The following FAT1 variants were observed in gnomAD, a reference collection of about 807,000 sequenced individuals.
FAT1 encodes protocadherin Fat 1.
In FAT1, 171 loss-of-function variants were observed where a neutral mutation model predicts 329.8. The observed-to-expected ratio is 0.52, with a 90% CI of 0.46 to 0.59. The LOEUF is 0.59. Among genes scored for constraint, FAT1 ranks in the 20% least tolerant of loss-of-function variants. The probability of loss-of-function intolerance (pLI) is 0.00; values close to 1 mark genes in which losing one functional copy is unlikely to be tolerated. For missense variants in FAT1, 5,672 were observed against 5,774.4 expected (o/e 0.98, Z 0.57); for synonymous variants, 2,233 against 2,228.6 (o/e 1.00, Z -0.06).
In FAT1 at chr4:186,708,880, T is replaced by C. The variant is rs1249596856; in HGVS notation, c.948A>G (p.Lys316=). 1 of 1,613,966 alleles carries C rather than the reference T, an allele frequency of 6.2e-7. No homozygotes were observed. Among genetic ancestry groups the C allele is most frequent in the Admixed American group, 1.7e-5 (1 of 60,024 alleles). ...VRSFPGSKEY[K]VKAIGGIDWD... The stretch of plus-strand genomic sequence containing the variant: ...AATCAATGCCACCGATGGCTTTGAC[T>C]TTATACTCCTTACTCCCTGGAAAGG... Residue 316 remains lysine (K), a synonymous_variant, in exon 2 of 27, where the codon AAA becomes AAG. Transcript: ENST00000441802.
chr4:186,613,043 G>T, intron 13 of FAT1, 66 bp downstream of exon 13: 2 of 1,120,900 alleles, frequency 1.8e-6, no homozygotes, highest in Non-Finnish European at 2.6e-6. Flanking sequence ...TCTGGGGTGT[G>T]TTTTGAAACA....
At chr4:186,719,172 A>G (rs1745349535) in intron 1 of FAT1, among the ~76,000 whole-genome samples, 1 of 152,164 alleles carries the variant, frequency 6.6e-6, no homozygotes. Context: ...TAAAGATCTC[A>G]TCTACTCTGC....
In FAT1 at chr4:186,621,083, G is replaced by A. The variant is rs779537023; in HGVS notation, c.5503C>T (p.Leu1835=). The A allele has an allele frequency of 1.9e-6, 3 of 1,613,530 alleles. No individual in the cohort carries two copies. Among genetic ancestry groups the A allele is most frequent in the Non-Finnish European group, 2.5e-6 (3 of 1,179,890 alleles). The change falls in exon 10 of 27, where the codon CTG becomes TTG. Residue 1835 remains leucine, a synonymous_variant. Coordinates refer to ENST00000441802, the MANE Select transcript of FAT1 (RefSeq NM_005245.4). The part of the protein sequence containing the change: ...STGAIHTVLS[L]DYEETSIFHF... ...AAAATACTTGTTTCTTCATAGTCCA[G>A]ACTTAGTACTGTATGAATAGCACCA...
At chr4:186,604,985 G>A (rs565752156) in intron 17 of FAT1, among the ~76,000 whole-genome samples, 3 of 151,952 alleles carry the variant, frequency 2.0e-5, no homozygotes, top group Admixed American at 1.3e-4. Context: ...TTGGGAGGCT[G>A]AGGCGGGCGG....
intron 1 of FAT1, among the ~76,000 whole-genome samples, chr4:186,714,162 C>T (rs769745201): frequency 2.0e-5 from 3 of 152,122 alleles, no homozygotes; most frequent in South Asian, 4.1e-4. Flanking sequence ...AGCTGGAGGG[C>T]GACCAGAGCA....
rs189430101 is a variant in FAT1 at position 186,697,598 on chromosome 4, T to C, written c.3265+8965A>G. Among the ~76,000 whole-genome samples the C allele has an allele frequency of 9.8e-5, 15 of 152,352 alleles. No homozygotes were observed. In the East Asian group the frequency reaches 2.7e-3, roughly 27 times the overall value. ...ATCATTTCAGGCACATGTACAAATATATAGAAAAGTGACCTGTCCATTGTT... is the reference window on the plus strand; with the variant it reads ...ATCATTTCAGGCACATGTACAAATACATAGAAAAGTGACCTGTCCATTGTT... On this transcript the variant is annotated intron_variant, in intron 2 of 26. Coordinates refer to ENST00000441802, the MANE Select transcript of FAT1 (RefSeq NM_005245.4).
chr4:186,589,323 A>G, intron 26 of FAT1, 103 bp from the exon 27 acceptor site: 1 of 1,264,130 alleles, frequency 7.9e-7, no homozygotes. Context: ...AACCGCATTT[A>G]TGCCTTCATT....
At chr4:186,690,701 A>G (rs905864598) in intron 2 of FAT1, among the ~76,000 whole-genome samples, 4 of 152,062 alleles carry the variant, frequency 2.6e-5, no homozygotes, top group Non-Finnish European at 4.4e-5. Flanking sequence ...AAAAAAAAAA[A>G]TCTAGTAGCC....
Position 186,663,620 on chromosome 4 carries a change from AG to A in FAT1, c.3266-8del. 1 of 1,587,622 alleles carries A rather than the reference AG, an allele frequency of 6.3e-7. No individual in the cohort carries two copies. The highest frequency in any genetic ancestry group is 8.5e-7 in the Non-Finnish European group (1 of 1,171,166). ...TCTGACGTCTCTATGACACCTACAG[AG>A]AAAAAAGAAAAGCGTAAAGCAGCAC... On this transcript the variant is annotated splice_polypyrimidine_tract_variant and splice_region_variant and intron_variant, in intron 2 of 26. Coordinates refer to ENST00000441802, the MANE Select transcript of FAT1 (RefSeq NM_005245.4).
At position 186,683,546 on chromosome 4, in the gene FAT1, T is replaced by TC. The variant is rs1743322786; in HGVS notation, c.3266-19934dup. ...CTCAAATCTTGCCTCTGTGAAATTT[T>TC]CCGAAAGTTTTGCTTTCAAAGGCCA... On this transcript the variant is annotated intron_variant, in intron 2 of 26. Transcript: ENST00000441802. Among the ~76,000 whole-genome samples the TC allele has an allele frequency of 2.0e-5, 3 of 152,198 alleles. No individual in the cohort carries two copies. The South Asian group carries it at 6.2e-4, about 32-fold the overall frequency.
At chr4:186,652,181 C>T (rs745308268) in intron 3 of FAT1, among the ~76,000 whole-genome samples, 4 of 152,178 alleles carry the variant, frequency 2.6e-5, no homozygotes, top group Non-Finnish European at 5.9e-5. Flanking sequence ...GGCATTAAAA[C>T]ATAAGATCGA....
In FAT1 at chr4:186,636,052, CAGG is replaced by C; in HGVS notation, c.4153_4155del (p.Pro1385del). ...GTGATGTCAAACCAAAGGGGTATGC[CAGG>C]AGGCTCCACAGATATTACTCCAATC... On this transcript the variant is annotated inframe_deletion, in exon 6 of 27. Coordinates refer to ENST00000441802, the MANE Select transcript of FAT1 (RefSeq NM_005245.4). 6.2e-7 allele frequency: 1 copy of C among 1,613,898 alleles called. No individual in the cohort carries two copies. Among genetic ancestry groups the C allele is most frequent in the Non-Finnish European group, 8.5e-7 (1 of 1,179,888 alleles).
intron 2 of FAT1, among the ~76,000 whole-genome samples, chr4:186,675,345 T>C (rs1742903530): frequency 6.7e-6 from 1 of 149,858 alleles, no homozygotes; most frequent in South Asian, 2.1e-4. Context: ...GTGTGCCCTG[T>C]AGTACCAGTT....
intron 14 of FAT1, among the ~76,000 whole-genome samples, chr4:186,610,621 AATATAAATT>A (rs1430865678): frequency 3.1e-5 from 4 of 130,210 alleles, no homozygotes; most frequent in African/African-American, 8.7e-5. Flanking sequence ...AAATTATATA[AATATAAATT>A]ATATAATTTA....
At chr4:186,605,988 G>T (rs2126446343) in intron 17 of FAT1, 82 bp downstream of exon 17, 1 of 1,304,158 alleles carries the variant, frequency 7.7e-7, no homozygotes, top group Non-Finnish European at 1.1e-6. Context: ...AGAAACCTTT[G>T]GATAAGAAAG....
chr4:186,659,914 G>T (rs1319390876), intron 3 of FAT1, among the ~76,000 whole-genome samples: 1 of 149,916 alleles, frequency 6.7e-6, no homozygotes, highest in African/African-American at 2.5e-5. Flanking sequence ...ACACAAGCCG[G>T]CTGTGGCACC....
intron 1 of FAT1, among the ~76,000 whole-genome samples, chr4:186,721,937 G>A (rs960114774): frequency 1.3e-5 from 2 of 152,048 alleles, no homozygotes; most frequent in African/African-American, 4.8e-5. Flanking sequence ...CTCCCGGGTT[G>A]AAGCGATTCT....
chr4:186,619,363 A>C lies in FAT1; in HGVS notation c.7223T>G (p.Phe2408Cys), dbSNP rs769368962. The change falls in exon 10 of 27, where the codon TTC becomes TGC. Residue 2408 changes from phenylalanine (F) to cysteine (C), a missense_variant. Transcript: ENST00000441802. ...RISEHAPHGH[F>C]VTCVKAYDAD... ...ATCATAGGCTTTTACACAGGTCACG[A>C]AATGCCCATGAGGGGCGTGCTCGCT... The C allele has an allele frequency of 1.2e-6, 2 of 1,614,056 alleles. No individual in the cohort carries two copies. Among genetic ancestry groups the C allele is most frequent in the Non-Finnish European group, 1.7e-6 (2 of 1,179,904 alleles).
rs372695314 is a variant in FAT1, at chr4:186,614,389, G to A, written c.9076-45C>T. 71 of 1,317,340 alleles carry A rather than the reference G, an allele frequency of 5.4e-5. 2 individuals carry two copies. Among genetic ancestry groups the A allele is most frequent in the Non-Finnish European group, 5.9e-5 (58 of 979,884 alleles). The allele number at this position is 1,317,340 out of a possible 1,614,324, so 81.6% of individuals were successfully genotyped here. Reference sequence around the variant, plus strand: ...AAACGTTACATAAAAGCATTAACAGGCAGCACAAACATCAAGGGAATAATG... The same window carrying A: ...AAACGTTACATAAAAGCATTAACAGACAGCACAAACATCAAGGGAATAATG... On this transcript the variant is annotated intron_variant, in intron 11 of 26. Transcript: ENST00000441802.
Sources: gnomAD v4.1 joint callset for allele counts (sites outside exome capture counted in the v4.1 genomes callset) on GRCh38, gnomAD v4.1.1 for gene constraint, MANE v1.5 for transcripts, NCBI Gene and HGNC (gene_info 2026-07-23, HGNC 2026-07-21) for gene names.